The following ABCA13 variants were observed in gnomAD, a reference collection of about 807,000 sequenced individuals.
The protein encoded by ABCA13 is ATP binding cassette subfamily A member 13.
ABCA13 carries 476 observed loss-of-function variants against 478.7 expected under a neutral mutation model. The observed-to-expected ratio is 0.99, with a 90% confidence interval of 0.92 to 1.07. The LOEUF (loss-of-function observed/expected upper bound fraction) is 1.07. Among genes scored for constraint, ABCA13 ranks in the 50% least tolerant of loss-of-function variants. The probability of loss-of-function intolerance (pLI) is 0.00; values close to 1 mark genes in which losing one functional copy is unlikely to be tolerated. For synonymous variants in ABCA13, 2,252 were observed against 2,158.9 expected, an observed-to-expected ratio of 1.04 and a Z score of -1.20; for missense variants, 6,060 against 5,910.6, an observed-to-expected ratio of 1.03 and a Z score of -0.83.
At chr7:48,570,126 T>C (rs897465279) in intron 55 of ABCA13, among the ~76,000 whole-genome samples, 1 of 152,120 alleles carries the variant, frequency 6.6e-6, no homozygotes, top group Non-Finnish European at 1.5e-5. Flanking sequence ...TTGTGTGTTG[T>C]GTGGCTCTGT....
At chr7:48,455,497 C>A (rs1825563763) in intron 43 of ABCA13, among the ~76,000 whole-genome samples, 1 of 152,172 alleles carries the variant, frequency 6.6e-6, no homozygotes, top group South Asian at 2.1e-4. Flanking sequence ...ATGAGGCTGC[C>A]TGGTCTCCGA....
intron 20 of ABCA13, among the ~76,000 whole-genome samples, chr7:48,294,291 T>C (rs1464481401): frequency 6.6e-6 from 1 of 152,144 alleles, no homozygotes; most frequent in Non-Finnish European, 1.5e-5. Flanking sequence ...TTGGCAACTA[T>C]AATTCTCATG....
intron 58 of ABCA13, among the ~76,000 whole-genome samples, chr7:48,597,003 G>A (rs1790356531): frequency 6.6e-6 from 1 of 150,440 alleles, no homozygotes. Flanking sequence ...CCAGGCTGGA[G>A]TGCAGTGGCA....
chr7:48,286,498 TCC>T, intron 19 of ABCA13, among the ~76,000 whole-genome samples: 1 of 151,656 alleles, frequency 6.6e-6, no homozygotes, highest in Admixed American at 6.6e-5. Context: ...CTTCCTTCCT[TCC>T]TTCCTTCCTT....
At position 48,313,220 on chromosome 7, in the gene ABCA13, G is replaced by A; in HGVS notation, c.9670G>A (p.Asp3224Asn). 1.2e-6 allele frequency: 2 copies of A among 1,610,062 alleles called. No individual in the cohort carries two copies. The highest frequency in any genetic ancestry group is 1.7e-6 in the Non-Finnish European group (2 of 1,178,022). The change falls in exon 25 of 62, where the codon GAC becomes AAC. Residue 3224 changes from aspartate (D) to asparagine (N), a missense_variant. Transcript: ENST00000435803. ...FKITALLETL[D>N]FQQVSQNVQA... is the part of the protein sequence containing the mutation. ...AATCACTGCCTTGCTAGAAACCCTG[G>A]ACTTTCAACAGGTGTGTGTTTCATC... is the stretch of plus-strand genomic sequence containing the variant.
chr7:48,516,408 C>T (rs993336130), intron 51 of ABCA13, among the ~76,000 whole-genome samples: 7 of 152,080 alleles, frequency 4.6e-5, no homozygotes, highest in South Asian at 2.1e-4. Flanking sequence ...AATTGACTGT[C>T]GCAGCATGGC....
At chr7:48,547,305 C>T (rs1784905679) in intron 55 of ABCA13, among the ~76,000 whole-genome samples, 1 of 151,908 alleles carries the variant, frequency 6.6e-6, no homozygotes, top group African/African-American at 2.4e-5. Flanking sequence ...TGAGTCATTT[C>T]TCTATTACAT....
intron 7 of ABCA13, among the ~76,000 whole-genome samples, chr7:48,231,660 T>TATTATTATA (rs1481872589): frequency 6.6e-6 from 1 of 151,388 alleles, no homozygotes; most frequent in African/African-American, 2.4e-5. Flanking sequence ...CCTGAACTAT[T>TATTATTATA]ATTATTATTA....
intron 2 of ABCA13, among the ~76,000 whole-genome samples, chr7:48,195,173 T>C (rs926669970): frequency 2.0e-5 from 3 of 152,158 alleles, no homozygotes; most frequent in African/African-American, 7.2e-5. Flanking sequence ...AAGGCAGAGA[T>C]GTGGCTGAAG....
At chr7:48,443,313 G>A (rs752511753) in intron 42 of ABCA13, among the ~76,000 whole-genome samples, 10 of 152,132 alleles carry the variant, frequency 6.6e-5, no homozygotes, top group African/African-American at 1.9e-4. Flanking sequence ...GTGAGAGTTC[G>A]GCTGGTTGAT....
At chr7:48,298,519 C>A (rs1295920069) in intron 23 of ABCA13, 32 bp downstream of exon 23, 1 of 1,599,580 alleles carries the variant, frequency 6.3e-7, no homozygotes, top group Admixed American at 1.7e-5. Flanking sequence ...GTCTGTTTTG[C>A]TCATGGAAGG....
chr7:48,554,244 G>C (rs1481713157), intron 55 of ABCA13, among the ~76,000 whole-genome samples: 1 of 151,966 alleles, frequency 6.6e-6, no homozygotes, highest in Non-Finnish European at 1.5e-5. Flanking sequence ...AGTATATTTT[G>C]AAGTCAGGTA....
intron 55 of ABCA13, among the ~76,000 whole-genome samples, chr7:48,537,489 G>A (rs1014010830): frequency 1.3e-5 from 2 of 152,148 alleles, no homozygotes; most frequent in Non-Finnish European, 2.9e-5. Flanking sequence ...AATGGCGAGA[G>A]CACACCTGAA....
intron 27 of ABCA13, among the ~76,000 whole-genome samples, chr7:48,325,393 G>A (rs1348532744): frequency 6.6e-6 from 1 of 152,170 alleles, no homozygotes; most frequent in African/African-American, 2.4e-5. Context: ...CCTCCCTCAT[G>A]CCCTTAGATT....
At position 48,227,466 on chromosome 7, in the gene ABCA13, G is replaced by T. The variant is rs1562823176; in HGVS notation, c.632+41G>T. On this transcript the variant is annotated intron_variant, in intron 6 of 61. Coordinates refer to ENST00000435803, the MANE Select transcript of ABCA13 (RefSeq NM_152701.5). ...AAACATAACTAAGTATCAATATGTT[G>T]TTTTTTTACCTTATTTTTAAAATGA... 3.1e-6 allele frequency: 5 copies of T among 1,589,334 alleles called. No homozygotes were observed. The South Asian group carries it at 5.8e-5, about 18-fold the overall frequency.
Position 48,275,995 on chromosome 7 carries a change from C to G in ABCA13, c.6329C>G (p.Ser2110Ter). ...QFAHFLEILD[S>*]PSLKTLEIIE... ...GCCCATTTCCTGGAAATCCTGGATT[C>G]ACCGTCATTGAAGACATTAGAAATT... Residue 2110 changes from serine (S) to a stop codon, truncating the protein, a stop_gained, in exon 17 of 62, where the codon TCA becomes TGA. Coordinates refer to ENST00000435803, the MANE Select transcript of ABCA13 (RefSeq NM_152701.5). LOFTEE classifies it high-confidence loss of function. 1 of 1,613,004 alleles carries G rather than the reference C, an allele frequency of 6.2e-7. No individual in the cohort carries two copies. The highest frequency in any genetic ancestry group is 8.5e-7 in the Non-Finnish European group (1 of 1,179,480).
chr7:48,311,108 G>T (rs1801710286), intron 24 of ABCA13, among the ~76,000 whole-genome samples: 1 of 152,130 alleles, frequency 6.6e-6, no homozygotes, highest in Non-Finnish European at 1.5e-5. Context: ...GAGGCTGCAG[G>T]GTTTGTACTA....
At chr7:48,287,130 C>T (rs1797876708) in intron 19 of ABCA13, among the ~76,000 whole-genome samples, 1 of 152,062 alleles carries the variant, frequency 6.6e-6, no homozygotes, top group African/African-American at 2.4e-5. Context: ...AGGCAGAACT[C>T]TAAAAGATAC....
intron 29 of ABCA13, among the ~76,000 whole-genome samples, chr7:48,342,407 T>TAC (rs1317866939): frequency 1.3e-5 from 2 of 152,188 alleles, no homozygotes; most frequent in African/African-American, 4.8e-5. Context: ...AGGCTTTATA[T>TAC]ACTTTAAGGC....
Sources: gnomAD v4.1 joint callset for allele counts (sites outside exome capture counted in the v4.1 genomes callset) on GRCh38, gnomAD v4.1.1 for gene constraint, MANE v1.5 for transcripts, NCBI Gene and HGNC (gene_info 2026-07-23, HGNC 2026-07-21) for gene names.